The following ANOS1 variants were observed in gnomAD, a reference collection of about 807,000 sequenced individuals.
ANOS1 encodes anosmin-1.
A neutral mutation model predicts 59.0 loss-of-function variants in ANOS1; 6 were observed. The observed-to-expected ratio is 0.10, with a 90% confidence interval of 0.06 to 0.20. ANOS1 has a LOEUF of 0.20. Ranked by LOEUF, ANOS1 falls within the 10% of genes least tolerant of loss-of-function variation. The pLI is 1.00. For missense variants in ANOS1, 433 were observed against 542.3 expected (o/e 0.80, Z 2.00); for synonymous variants, 217 against 223.4 (o/e 0.97, Z 0.25).
chrX:8,668,114 G>C (rs1932184547), intron 2 of ANOS1, among the ~76,000 whole-genome samples: 2 of 108,007 alleles, frequency 1.9e-5, no homozygotes, highest in Non-Finnish European at 3.8e-5. Flanking sequence ...TGATTTGTGA[G>C]ATTTTGGTGC....
At chrX:8,571,202 G>A (rs1344965750) in intron 6 of ANOS1, among the ~76,000 whole-genome samples, 1 of 110,795 alleles carries the variant, frequency 9.0e-6, no homozygotes, top group East Asian at 2.8e-4. Context: ...AAAAGATAGA[G>A]TATTAAACAG....
At chrX:8,536,142 G>A (rs912450257) in intron 11 of ANOS1, among the ~76,000 whole-genome samples, 1 of 101,381 alleles carries the variant, frequency 9.9e-6, no homozygotes, top group Admixed American at 1.1e-4. Context: ...TGACTGCAGT[G>A]AGAAGGTAAA....
At chrX:8,685,604 GAA>G (rs769316935) in intron 2 of ANOS1, among the ~76,000 whole-genome samples, 1 of 65,696 alleles carries the variant, frequency 1.5e-5, no homozygotes, top group Non-Finnish European at 2.7e-5. Flanking sequence ...AAGGAAGAAA[GAA>G]AGAAAGAAAG....
At chrX:8,538,222 T>C (rs1929629310) in intron 10 of ANOS1, among the ~76,000 whole-genome samples, 1 of 112,326 alleles carries the variant, frequency 8.9e-6, no homozygotes, top group Non-Finnish European at 1.9e-5. Flanking sequence ...CATGGGACTA[T>C]ACTGGAATCC....
At chrX:8,676,606 C>T (rs1932341450) in intron 2 of ANOS1, among the ~76,000 whole-genome samples, 1 of 111,857 alleles carries the variant, frequency 8.9e-6, no homozygotes, top group African/African-American at 3.2e-5. Context: ...ACCTGGACTC[C>T]ACCCATGTAA....
intron 2 of ANOS1, among the ~76,000 whole-genome samples, chrX:8,654,864 A>G (rs1362015898): frequency 8.9e-6 from 1 of 112,415 alleles, no homozygotes; most frequent in Non-Finnish European, 1.9e-5. Flanking sequence ...AAAAAATAAT[A>G]TTTTGTAACA....
At chrX:8,648,118 G>A (rs1209620078) in intron 2 of ANOS1, among the ~76,000 whole-genome samples, 1 of 112,133 alleles carries the variant, frequency 8.9e-6, no homozygotes, top group Non-Finnish European at 1.9e-5. Context: ...AATCTTCGTA[G>A]TGGAAAACAA....
At chrX:8,673,300 C>T (rs1232387979) in intron 2 of ANOS1, among the ~76,000 whole-genome samples, 2 of 106,559 alleles carry the variant, frequency 1.9e-5, no homozygotes, top group Non-Finnish European at 3.8e-5. Flanking sequence ...ATTTTCTTTG[C>T]TTACTGATGT....
chrX:8,620,750 A>G (rs1456676041), intron 3 of ANOS1, among the ~76,000 whole-genome samples: 4 of 112,192 alleles, frequency 3.6e-5, no homozygotes, highest in African/African-American at 1.3e-4. Context: ...GGCTGAAGCA[A>G]TTCATCAAAG....
At chrX:8,714,106 G>A (rs1160352004) in intron 1 of ANOS1, among the ~76,000 whole-genome samples, 1 of 111,803 alleles carries the variant, frequency 8.9e-6, no homozygotes. Context: ...CATTCAGGGC[G>A]GTCTAGACCT....
rs1191819584 is a variant in ANOS1, at chrX:8,668,428, T to TACACAC, written c.255+31269_255+31270insGTGTGT. ...ATATATATATATATATATATATATA[T>TACACAC]ATACACACACATACATATATATATA... On this transcript the variant is annotated intron_variant, in intron 2 of 13. Transcript: ENST00000262648. Among the ~76,000 whole-genome samples, 222 of 83,515 alleles carry TACACAC rather than the reference T, an allele frequency of 2.7e-3. 1 individual carries two copies. The highest frequency in any genetic ancestry group is 4.1e-3 in the Non-Finnish European group (179 of 44,068). 72.5% of individuals were successfully genotyped at this position (83,515 alleles called of 115,157 possible). A position where few individuals can be genotyped will look rare whatever the true frequency, so the allele number is the denominator to read the frequency against.
intron 2 of ANOS1, among the ~76,000 whole-genome samples, chrX:8,690,261 T>C (rs1354322652): frequency 8.9e-6 from 1 of 112,217 alleles, no homozygotes; most frequent in Non-Finnish European, 1.9e-5. Context: ...CCTGCACTTC[T>C]CCTGAAATCA....
intron 6 of ANOS1, among the ~76,000 whole-genome samples, chrX:8,572,919 T>C (rs752689245): frequency 1.8e-5 from 2 of 111,098 alleles, no homozygotes; most frequent in African/African-American, 3.3e-5. Context: ...GTTATTGGAA[T>C]GGGAAGCACC....
chrX:8,538,202 C>A (rs1929629049), intron 10 of ANOS1, among the ~76,000 whole-genome samples: 1 of 112,093 alleles, frequency 8.9e-6, no homozygotes, highest in South Asian at 3.7e-4. Context: ...GGAAATAAAT[C>A]TGCTCTTTAC....
intron 2 of ANOS1, among the ~76,000 whole-genome samples, chrX:8,670,201 T>C (rs1363799520): frequency 9.0e-6 from 1 of 111,434 alleles, no homozygotes; most frequent in East Asian, 2.8e-4. Flanking sequence ...CATTTCCTTC[T>C]TTCCCTGAGT....
intron 8 of ANOS1, among the ~76,000 whole-genome samples, chrX:8,565,466 A>C (rs1930094625): frequency 8.9e-6 from 1 of 112,216 alleles, no homozygotes; most frequent in South Asian, 3.7e-4. Context: ...AGAGATCTGT[A>C]ACTACGCTGA....
chrX:8,694,296 GA>G (rs1932651700), intron 2 of ANOS1, among the ~76,000 whole-genome samples: 1 of 112,099 alleles, frequency 8.9e-6, no homozygotes, highest in African/African-American at 3.2e-5. Context: ...TAATATATGG[GA>G]AAAAATAGGA....
intron 12 of ANOS1, chrX:8,535,296 AC>A (rs1247614052): frequency 1.8e-5 from 6 of 333,682 alleles, no homozygotes; most frequent in African/African-American, 1.6e-4. Context: ...CATGAGGTTA[AC>A]AAAGATAGAA....
chrX:8,594,764 ATATTT>A (rs1169628535), intron 4 of ANOS1, among the ~76,000 whole-genome samples: 6 of 74,516 alleles, frequency 8.1e-5, no homozygotes, highest in Admixed American at 1.7e-4. Flanking sequence ...ATATATATAT[ATATTT>A]TTTTTTTGCA....
Sources: allele counts gnomAD v4.1 joint callset (sites outside exome capture counted in the v4.1 genomes callset), GRCh38; gene constraint gnomAD v4.1.1; transcripts MANE v1.5; gene names NCBI Gene and HGNC (gene_info 2026-07-23, HGNC 2026-07-21).